TXLNG: variants seen among roughly 807,000 people sequenced by gnomAD.
The protein encoded by TXLNG is gamma-taxilin.
TXLNG carries 5 observed loss-of-function variants against 38.8 expected under a neutral mutation model. The observed-to-expected ratio is 0.13, with a 90% confidence interval of 0.07 to 0.27. The LOEUF is 0.27. Among genes scored for constraint, TXLNG ranks in the 10% least tolerant of loss-of-function variants. The pLI, the probability that TXLNG is intolerant of heterozygous loss-of-function variation, is 1.00. For missense variants in TXLNG, 393 were observed against 398.2 expected (o/e 0.99, Z 0.11); for synonymous variants, 182 against 158.2 (o/e 1.15, Z -1.13).
rs61607150 is a variant in TXLNG, at chrX:16,820,803, C to G, written c.498+548C>G. On this transcript the variant is annotated intron_variant, in intron 3 of 9. Coordinates refer to ENST00000380122, the MANE Select transcript of TXLNG (RefSeq NM_018360.3). ...TTATTTTTTTGAGACGGAGTCTCGC[C>G]TGTGGTCCAGGCTAGAGTGCAGTGG... Among the ~76,000 whole-genome samples, 299 of 111,340 alleles carry G rather than the reference C, an allele frequency of 2.7e-3. 11 individuals carry two copies. In the East Asian group the frequency reaches 0.07, roughly 26 times the overall value.
At position 16,817,719 on chromosome X, in the gene TXLNG, A is replaced by G. The variant is rs528544606; in HGVS notation, c.103-855A>G. 1.6e-3 allele frequency among the ~76,000 whole-genome samples: 185 copies of G among 112,835 alleles called. 2 individuals are homozygous for G. The South Asian group carries it at 0.067, about 41-fold the overall frequency. Reference sequence around the variant, plus strand: ...AATGTGATAGAAGACAGTTACTGACATAAGAATAACATACTGGAATAAAGG... The same window carrying G: ...AATGTGATAGAAGACAGTTACTGACGTAAGAATAACATACTGGAATAAAGG... On this transcript the variant is annotated intron_variant, in intron 1 of 9. Transcript: ENST00000380122.
At chrX:16,841,144 G>A (rs897271913) in intron 9 of TXLNG, among the ~76,000 whole-genome samples, 3 of 109,115 alleles carry the variant, frequency 2.7e-5, no homozygotes, top group Admixed American at 9.8e-5. Context: ...GCAGTGAGCC[G>A]AGATCACGCC....
At chrX:16,840,891 A>G (rs765886175) in intron 9 of TXLNG, among the ~76,000 whole-genome samples, 1 of 110,818 alleles carries the variant, frequency 9.0e-6, no homozygotes, top group African/African-American at 3.3e-5. Context: ...AATTTCCTTA[A>G]TAGTTCAATA....
intron 1 of TXLNG, among the ~76,000 whole-genome samples, chrX:16,818,244 TC>T (rs1425406462): frequency 9.0e-6 from 1 of 111,467 alleles, no homozygotes; most frequent in African/African-American, 3.3e-5. Context: ...TAATTAATAT[TC>T]ATTAACTGGG....
chrX:16,842,720 G>A lies in TXLNG; in HGVS notation c.*954G>A, dbSNP rs1459908324. ...TTACTACAAAAATTCCACCAGCAAA[G>A]TACTCCAGGTTTTTCAAAAGGGAAT... On this transcript the variant is annotated 3_prime_UTR_variant, in exon 10 of 10. Coordinates refer to ENST00000380122, the MANE Select transcript of TXLNG (RefSeq NM_018360.3). The A allele has an allele frequency of 8.9e-6, 1 of 112,163 alleles. No homozygotes were observed. The highest frequency in any genetic ancestry group is 1.9e-5 in the Non-Finnish European group (1 of 53,256). 9.2% of individuals were successfully genotyped at this position (112,163 alleles called of 1,213,427 possible).
rs1004806796 is a variant in TXLNG at position 16,844,001 on chromosome X, T to C, written c.*2235T>C. The C allele has an allele frequency of 3.6e-5, 4 of 111,744 alleles. No homozygotes were observed. The highest frequency in any genetic ancestry group is 1.3e-4 in the African/African-American group (4 of 30,710). 9.2% of individuals were successfully genotyped at this position (111,744 alleles called of 1,213,427 possible). The stretch of plus-strand genomic sequence containing the variant: ...CCGTATCTACCATATTCTAGAACAC[T>C]GTAATGCTACTAGGCTGGCCCAGAA... On this transcript the variant is annotated 3_prime_UTR_variant, in exon 10 of 10. Coordinates refer to ENST00000380122, the MANE Select transcript of TXLNG (RefSeq NM_018360.3).
intron 1 of TXLNG, among the ~76,000 whole-genome samples, chrX:16,786,989 C>T (rs1927513475): frequency 8.9e-6 from 1 of 112,502 alleles, no homozygotes; most frequent in South Asian, 3.6e-4. Flanking sequence ...CGCCGCCGTC[C>T]GGGGGCTCGC....
Position 16,832,492 on chromosome X carries a change from C to T in TXLNG, c.865-131C>T. 4.6e-6 allele frequency: 4 copies of T among 866,345 alleles called. No homozygotes were observed. In the South Asian group the frequency reaches 9.3e-5, roughly 20 times the overall value. 71.4% of individuals were successfully genotyped at this position (866,345 alleles called of 1,213,427 possible). A position where few individuals can be genotyped will look rare whatever the true frequency, so the allele number is the denominator to read the frequency against. On this transcript the variant is annotated intron_variant, in intron 5 of 9. Transcript: ENST00000380122. ...GGAGTATACAGGGACAGAGAGAGAG[C>T]TGGTGTTCTTAGCTGCAGTGGTAGT...
chrX:16,837,001 A>G, intron 7 of TXLNG, among the ~76,000 whole-genome samples: 1 of 111,421 alleles, frequency 9.0e-6, no homozygotes, highest in Non-Finnish European at 1.9e-5. Flanking sequence ...AAGGGGGAGA[A>G]GATGGTGACT....
intron 1 of TXLNG, among the ~76,000 whole-genome samples, chrX:16,816,291 C>A (rs769523697): frequency 9.0e-6 from 1 of 111,121 alleles, no homozygotes. Flanking sequence ...CCACCTTGCC[C>A]GGCCTATTAA....
intron 1 of TXLNG, among the ~76,000 whole-genome samples, chrX:16,787,303 C>T (rs1320107328): frequency 8.9e-6 from 1 of 112,124 alleles, no homozygotes; most frequent in African/African-American, 3.2e-5. Flanking sequence ...GCTGGAGGAC[C>T]TCGGTCCTGC....
At chrX:16,823,110 C>A (rs188950808) in intron 3 of TXLNG, among the ~76,000 whole-genome samples, 186 of 111,384 alleles carry the variant, frequency 1.7e-3, no homozygotes, top group African/African-American at 5.8e-3. Context: ...ATTTGAAAGA[C>A]AAAATGTGTA....
chrX:16,804,775 G>A (rs1001622900), intron 1 of TXLNG, among the ~76,000 whole-genome samples: 3 of 109,142 alleles, frequency 2.7e-5, no homozygotes, highest in African/African-American at 1.0e-4. Context: ...AGGGGTACAA[G>A]TTTCGTTACA....
At chrX:16,788,416 G>C (rs1280367333) in intron 1 of TXLNG, among the ~76,000 whole-genome samples, 4 of 111,975 alleles carry the variant, frequency 3.6e-5, no homozygotes, top group Non-Finnish European at 7.5e-5. Flanking sequence ...CTTTGCTTAT[G>C]CTCTTCTGAG....
intron 1 of TXLNG, among the ~76,000 whole-genome samples, chrX:16,811,146 A>G (rs1346590609): frequency 4.5e-5 from 5 of 111,747 alleles, no homozygotes; most frequent in Admixed American, 1.9e-4. Context: ...CAAATACGTG[A>G]TATTGTAATA....
chrX:16,802,876 C>T lies in TXLNG; in HGVS notation c.103-15698C>T, dbSNP rs995953986. ...TGCTCTTTTGCCCAGGTTGGAGTGC[C>T]GTGGCGTGATCGTGGCTCACTGCAG... On this transcript the variant is annotated intron_variant, in intron 1 of 9. Transcript: ENST00000380122. 4.9e-5 allele frequency among the ~76,000 whole-genome samples: 5 copies of T among 102,797 alleles called. No individual in the cohort carries two copies. In the South Asian group the frequency reaches 1.8e-3, roughly 38 times the overall value. The allele number at this position is 102,797 out of a possible 115,157, so 89.3% of individuals were successfully genotyped here. A position where few individuals can be genotyped will look rare whatever the true frequency, so the allele number is the denominator to read the frequency against.
At chrX:16,835,132 A>G (rs1187466304) in intron 7 of TXLNG, among the ~76,000 whole-genome samples, 1 of 110,345 alleles carries the variant, frequency 9.1e-6, no homozygotes, top group Non-Finnish European at 1.9e-5. Flanking sequence ...GATGGGTAAA[A>G]TTAGGCATTT....
intron 6 of TXLNG, 69 bp from the exon 7 acceptor site, chrX:16,834,214 T>C: frequency 1.1e-6 from 1 of 920,987 alleles, no homozygotes; most frequent in Non-Finnish European, 1.6e-6. Flanking sequence ...AGCCTAACTC[T>C]GATCATTTGA....
intron 1 of TXLNG, among the ~76,000 whole-genome samples, chrX:16,810,256 A>G (rs1928467148): frequency 8.9e-6 from 1 of 112,319 alleles, no homozygotes; most frequent in Non-Finnish European, 1.9e-5. Flanking sequence ...TTGATCCAAG[A>G]AAAGGCATCC....
Sources: gnomAD v4.1 joint callset for allele counts (sites outside exome capture counted in the v4.1 genomes callset) on GRCh38, gnomAD v4.1.1 for gene constraint, MANE v1.5 for transcripts, NCBI Gene and HGNC (gene_info 2026-07-23, HGNC 2026-07-21) for gene names.